RAB9A: variants seen among roughly 807,000 people sequenced by gnomAD.
RAB9A encodes ras-related protein Rab-9A.
In RAB9A, 1 loss-of-function variant was observed where a neutral mutation model predicts 10.3. That is an observed-to-expected ratio of 0.10 (90% CI 0.03 to 0.46). The LOEUF (loss-of-function observed/expected upper bound fraction) is 0.46, where lower values mean the gene tolerates loss of function less well. Ranked by LOEUF, RAB9A falls within the 20% of genes least tolerant of loss-of-function variation. The probability of loss-of-function intolerance (pLI) is 0.96; values close to 1 mark genes in which losing one functional copy is unlikely to be tolerated. For synonymous variants in RAB9A, 39 were observed against 55.2 expected, an observed-to-expected ratio of 0.71 and a Z score of 1.30; for missense variants, 92 against 150.3, an observed-to-expected ratio of 0.61 and a Z score of 2.03.
chrX:13,699,729 T>C (rs916079934), intron 1 of RAB9A, among the ~76,000 whole-genome samples: 47 of 112,467 alleles, frequency 4.2e-4, no homozygotes, highest in African/African-American at 1.5e-3. Flanking sequence ...AGCAAAGATA[T>C]GGACAGAAAA....
chrX:13,702,738 C>T (rs771740491), intron 1 of RAB9A, among the ~76,000 whole-genome samples: 20 of 111,641 alleles, frequency 1.8e-4, no homozygotes, highest in African/African-American at 3.3e-4. Flanking sequence ...AGGTGTTCTT[C>T]GATTTTTGGT....
In RAB9A at chrX:13,710,109, A is replaced by G. The variant is rs2046215275; in HGVS notation, c.*757A>G. The G allele has an allele frequency of 8.1e-6, 1 of 124,207 alleles. No individual in the cohort carries two copies. Among genetic ancestry groups the G allele is most frequent in the African/African-American group, 3.2e-5 (1 of 31,081 alleles). 10.2% of individuals were successfully genotyped at this position (124,207 alleles called of 1,213,427 possible). A position where few individuals can be genotyped will look rare whatever the true frequency, so the allele number is the denominator to read the frequency against. On this transcript the variant is annotated 3_prime_UTR_variant, in exon 3 of 3. Transcript: ENST00000464506. The stretch of plus-strand genomic sequence containing the variant: ...TTCAGTTTTAAGAAAAAGGCTAACT[A>G]CTGAACTTGGAGAACAGACAAATGT...
chrX:13,690,281 CT>C (rs1455817178), intron 1 of RAB9A, among the ~76,000 whole-genome samples: 1 of 111,960 alleles, frequency 8.9e-6, no homozygotes, highest in African/African-American at 3.2e-5. Flanking sequence ...TTAGTTTTTC[CT>C]TTAGAAGATT....
At chrX:13,697,773 G>C (rs769946150) in intron 1 of RAB9A, among the ~76,000 whole-genome samples, 2 of 111,877 alleles carry the variant, frequency 1.8e-5, no homozygotes, top group African/African-American at 3.2e-5. Flanking sequence ...AACTCCTTAA[G>C]ATCTGATGAA....
chrX:13,705,795 G>GTGA (rs1569064648), intron 2 of RAB9A, among the ~76,000 whole-genome samples: 1 of 57,830 alleles, frequency 1.7e-5, no homozygotes, highest in Non-Finnish European at 3.5e-5. Flanking sequence ...CCCAGTGGAG[G>GTGA]TGACCATGCT....
chrX:13,705,527 T>C (rs2046193518), intron 2 of RAB9A, among the ~76,000 whole-genome samples: 1 of 111,892 alleles, frequency 8.9e-6, no homozygotes, highest in South Asian at 3.7e-4. Context: ...TTTCAAGGAA[T>C]TTCTACAACT....
chrX:13,702,797 G>A (rs2046180121), intron 1 of RAB9A, among the ~76,000 whole-genome samples: 1 of 112,058 alleles, frequency 8.9e-6, no homozygotes. Context: ...ATTTTGTGAG[G>A]TACAGTTGTG....
intron 2 of RAB9A, among the ~76,000 whole-genome samples, chrX:13,705,980 G>C (rs945821016): frequency 4.5e-5 from 5 of 111,864 alleles, no homozygotes; most frequent in African/African-American, 1.6e-4. Context: ...AAGGTGGCTA[G>C]AGTGAGGCTG....
chrX:13,704,146 T>C (rs1486115506), intron 2 of RAB9A, among the ~76,000 whole-genome samples: 2 of 112,078 alleles, frequency 1.8e-5, no homozygotes, highest in Non-Finnish European at 3.8e-5. Context: ...GGCCCTTTTC[T>C]GTCTTCCCTT....
chrX:13,701,293 A>G (rs147835284), intron 1 of RAB9A, among the ~76,000 whole-genome samples: 2,456 of 110,156 alleles, frequency 0.022, 38 homozygotes, highest in Non-Finnish European at 0.032. Context: ...TGAACATTTT[A>G]TATAAATGGA....
intron 1 of RAB9A, among the ~76,000 whole-genome samples, chrX:13,699,338 CAAG>C: frequency 8.9e-6 from 1 of 111,961 alleles, no homozygotes; most frequent in Middle Eastern, 4.6e-3. Flanking sequence ...AATAGAATAA[CAAG>C]AATAAAAGAG....
chrX:13,708,252 A>T (rs2046206087), intron 2 of RAB9A, among the ~76,000 whole-genome samples: 1 of 108,562 alleles, frequency 9.2e-6, no homozygotes, highest in South Asian at 4.1e-4. Context: ...TGAGCCTGGG[A>T]GTTCAAGGCT....
chrX:13,698,190 C>CTTTTTTTTT (rs67802719), intron 1 of RAB9A, among the ~76,000 whole-genome samples: 169 of 38,203 alleles, frequency 4.4e-3, no homozygotes, highest in Non-Finnish European at 6.0e-3. Flanking sequence ...TCTTTTTTTT[C>CTTTTTTTTT]TTTTTTTTTT....
At chrX:13,693,677 C>T (rs961152099) in intron 1 of RAB9A, among the ~76,000 whole-genome samples, 2 of 111,721 alleles carry the variant, frequency 1.8e-5, no homozygotes, top group South Asian at 3.7e-4. Flanking sequence ...TGAGTTCAGG[C>T]GTTGTTATTA....
At position 13,709,584 on chromosome X, in the gene RAB9A, C is replaced by A; in HGVS notation, c.*232C>A. 7.8e-6 allele frequency: 2 copies of A among 255,956 alleles called. No individual in the cohort carries two copies. The highest frequency in any genetic ancestry group is 1.4e-5 in the Non-Finnish European group (2 of 139,182). The allele number at this position is 255,956 out of a possible 1,213,427, so 21.1% of individuals were successfully genotyped here. Reference sequence around the variant, plus strand: ...TTGTAACAGTTGTCTAATAACGTTTCTTTAATTTAAATATGTAAGTTGCAG... The same window carrying A: ...TTGTAACAGTTGTCTAATAACGTTTATTTAATTTAAATATGTAAGTTGCAG... On this transcript the variant is annotated 3_prime_UTR_variant, in exon 3 of 3. Coordinates refer to ENST00000464506, the MANE Select transcript of RAB9A (RefSeq NM_004251.5).
intron 1 of RAB9A, among the ~76,000 whole-genome samples, chrX:13,703,064 G>C (rs1240339071): frequency 8.9e-6 from 1 of 112,963 alleles, no homozygotes; most frequent in Non-Finnish European, 1.9e-5. Context: ...GAGATTACTA[G>C]TTCTGTCAGG....
chrX:13,702,578 C>T (rs1157761355), intron 1 of RAB9A, among the ~76,000 whole-genome samples: 1 of 111,658 alleles, frequency 9.0e-6, no homozygotes, highest in African/African-American at 3.3e-5. Context: ...TAAATTAAGT[C>T]CCCCAGGTGG....
At chrX:13,693,174 A>AGG (rs1372166508) in intron 1 of RAB9A, among the ~76,000 whole-genome samples, 1 of 51,414 alleles carries the variant, frequency 1.9e-5, no homozygotes, top group Non-Finnish European at 3.5e-5. Flanking sequence ...TGCCCAGGCA[A>AGG]TGTGTTAAGC....
intron 1 of RAB9A, among the ~76,000 whole-genome samples, chrX:13,692,175 A>T (rs2046128376): frequency 1.8e-5 from 2 of 110,602 alleles, no homozygotes; most frequent in South Asian, 7.7e-4. Context: ...AGCCTAGCTC[A>T]GTGTGGTGGT....
Sources: allele counts gnomAD v4.1 joint callset (sites outside exome capture counted in the v4.1 genomes callset), GRCh38; gene constraint gnomAD v4.1.1; transcripts MANE v1.5; gene names NCBI Gene and HGNC (gene_info 2026-07-23, HGNC 2026-07-21).